The following CDH13 variants were observed in gnomAD, a reference collection of about 807,000 sequenced individuals.
CDH13 encodes cadherin 13, also known as cadherin-13.
In CDH13, 24 loss-of-function variants were observed where a neutral mutation model predicts 63.8. The observed-to-expected ratio is 0.38, with a 90% CI of 0.27 to 0.53. CDH13 has a LOEUF of 0.53. Ranked by LOEUF, CDH13 falls within the 20% of genes least tolerant of loss-of-function variation. The pLI is 0.85. For missense variants in CDH13, 1,049 were observed against 903.1 expected, an observed-to-expected ratio of 1.16 and a Z score of -2.07; for synonymous variants, 503 against 355.3, an observed-to-expected ratio of 1.42 and a Z score of -4.67.
intron 3 of CDH13, among the ~76,000 whole-genome samples, chr16:83,083,039 C>T (rs573704066): frequency 7.6e-4 from 116 of 152,264 alleles, no homozygotes; most frequent in Non-Finnish European, 1.2e-3. Context: ...TTAACTTGAT[C>T]ATGAATCAGA....
At chr16:83,567,733 C>A (rs905759637) in intron 7 of CDH13, among the ~76,000 whole-genome samples, 20 of 152,116 alleles carry the variant, frequency 1.3e-4, no homozygotes, top group African/African-American at 4.6e-4. Flanking sequence ...ATAGCTGGCA[C>A]TACAGGCGCC....
intron 2 of CDH13, among the ~76,000 whole-genome samples, chr16:82,912,989 C>G (rs990229720): frequency 4.7e-5 from 7 of 150,152 alleles, no homozygotes; most frequent in Admixed American, 6.6e-5. Context: ...TCTTTTTCAA[C>G]GTTTGTTGTC....
chr16:83,462,689 G>C (rs2073211086), intron 6 of CDH13, among the ~76,000 whole-genome samples: 1 of 152,204 alleles, frequency 6.6e-6, no homozygotes, highest in Non-Finnish European at 1.5e-5. Flanking sequence ...CTGGAAGGTG[G>C]AGGTTGCAGT....
At chr16:83,683,711 T>C (rs185904342) in intron 10 of CDH13, among the ~76,000 whole-genome samples, 376 of 152,346 alleles carry the variant, frequency 2.5e-3, no homozygotes, top group Non-Finnish European at 4.5e-3. Flanking sequence ...AATGCATCAT[T>C]AATATCCTGA....
chr16:83,394,198 A>C (rs1400627628), intron 6 of CDH13, among the ~76,000 whole-genome samples: 1 of 152,098 alleles, frequency 6.6e-6, no homozygotes, highest in African/African-American at 2.4e-5. Context: ...CCATGACACA[A>C]GTTTACCTAT....
chr16:83,528,061 G>C (rs995629505), intron 7 of CDH13, among the ~76,000 whole-genome samples: 4 of 152,310 alleles, frequency 2.6e-5, no homozygotes, highest in East Asian at 1.9e-4. Context: ...TGAGCCAGAA[G>C]TGGGCCCCCT....
At chr16:83,679,355 T>C (rs1915216764) in intron 10 of CDH13, among the ~76,000 whole-genome samples, 1 of 152,188 alleles carries the variant, frequency 6.6e-6, no homozygotes, top group African/African-American at 2.4e-5. Context: ...CTAATCTTCT[T>C]CTCATATGAG....
At position 83,049,715 on chromosome 16, in the gene CDH13, C is replaced by T. The variant is rs117553049; in HGVS notation, c.366+17497C>T. ...TCCTTTTTAGGGATAAGCAATATTC[C>T]TTTATGTGGATGGACCACAAATTGT... On this transcript the variant is annotated intron_variant, in intron 3 of 13. Transcript: ENST00000567109. Among the ~76,000 whole-genome samples the T allele has an allele frequency of 2.3e-4, 35 of 152,236 alleles. 1 individual carries two copies. In the East Asian group the frequency reaches 6.8e-3, roughly 29 times the overall value.
At chr16:83,103,609 C>A (rs1210562564) in intron 3 of CDH13, among the ~76,000 whole-genome samples, 1 of 152,124 alleles carries the variant, frequency 6.6e-6, no homozygotes, top group Non-Finnish European at 1.5e-5. Flanking sequence ...GGGTGATGGT[C>A]CAGGCTCTGA....
At chr16:82,808,202 C>T (rs1004389491) in intron 1 of CDH13, among the ~76,000 whole-genome samples, 3 of 152,150 alleles carry the variant, frequency 2.0e-5, no homozygotes, top group East Asian at 3.9e-4. Context: ...TTTCTTTGTG[C>T]TCTTCCTAAT....
intron 5 of CDH13, among the ~76,000 whole-genome samples, chr16:83,276,422 CA>C (rs1227966715): frequency 2.6e-5 from 4 of 152,170 alleles, no homozygotes. Context: ...GATTGCCTCT[CA>C]AACACCTTTG....
At chr16:83,376,475 G>C (rs1292982669) in intron 6 of CDH13, among the ~76,000 whole-genome samples, 2 of 152,168 alleles carry the variant, frequency 1.3e-5, no homozygotes, top group African/African-American at 4.8e-5. Context: ...TAGATAGCTA[G>C]TATGCAAAGA....
intron 1 of CDH13, among the ~76,000 whole-genome samples, chr16:82,795,905 A>C (rs1007703586): frequency 1.3e-5 from 2 of 148,960 alleles, no homozygotes; most frequent in Non-Finnish European, 1.5e-5. Context: ...CTCTGTCTCT[A>C]TTCGCTTAAC....
chr16:83,282,795 C>A (rs2089212417), intron 5 of CDH13, among the ~76,000 whole-genome samples: 1 of 152,218 alleles, frequency 6.6e-6, no homozygotes, highest in Non-Finnish European at 1.5e-5. Flanking sequence ...CTTCCTCATT[C>A]AGGGCTGCTG....
intron 8 of CDH13, among the ~76,000 whole-genome samples, chr16:83,629,638 A>G (rs1289710060): frequency 6.6e-6 from 1 of 152,234 alleles, no homozygotes; most frequent in South Asian, 2.1e-4. Context: ...TTGCCTTAGA[A>G]AAAAAATTAC....
At chr16:82,932,048 C>T (rs17743387) in intron 2 of CDH13, among the ~76,000 whole-genome samples, 1 of 152,008 alleles carries the variant, frequency 6.6e-6, no homozygotes, top group Non-Finnish European at 1.5e-5. Context: ...GGGAAAATCA[C>T]TGTAGTTAGT....
At position 83,678,211 on chromosome 16, in the gene CDH13, T is replaced by C. The variant is rs749505592; in HGVS notation, c.1288T>C (p.Leu430=). The change falls in exon 10 of 14, where the codon TTG becomes CTG. Residue 430 remains leucine, a synonymous_variant. Transcript: ENST00000567109. Reference sequence around the variant, plus strand: ...GACCCTTCTGTCTGCTTTCCAGCCATTGGACTATGAAATTTCTGCCTTCCA... The same window carrying C: ...GACCCTTCTGTCTGCTTTCCAGCCACTGGACTATGAAATTTCTGCCTTCCA... The part of the protein sequence containing the change: ...NEGMLSVVKP[L]DYEISAFHTL... 16 of 1,610,772 alleles carry C rather than the reference T, an allele frequency of 9.9e-6. 1 individual carries two copies. In the South Asian group the frequency reaches 1.3e-4, roughly 13 times the overall value.
chr16:83,421,773 A>C (rs2071721912), intron 6 of CDH13, among the ~76,000 whole-genome samples: 8 of 152,252 alleles, frequency 5.3e-5, no homozygotes, highest in Admixed American at 3.9e-4. Flanking sequence ...TGAACAGCCA[A>C]CAAGATTGGC....
At chr16:82,985,870 A>T (rs1597359744) in intron 2 of CDH13, among the ~76,000 whole-genome samples, 1 of 151,600 alleles carries the variant, frequency 6.6e-6, no homozygotes, top group Non-Finnish European at 1.5e-5. Context: ...AGCACATAGC[A>T]CCTCCCTCTT....
Sources: allele counts gnomAD v4.1 joint callset (sites outside exome capture counted in the v4.1 genomes callset), GRCh38; gene constraint gnomAD v4.1.1; transcripts MANE v1.5; gene names NCBI Gene and HGNC (gene_info 2026-07-23, HGNC 2026-07-21).